Variants in ZNF385D observed in about 807,000 individuals in gnomAD.
ZNF385D encodes the protein zinc finger protein 385D.
In ZNF385D, 15 loss-of-function variants were observed where a neutral mutation model predicts 35.8. That is an observed-to-expected ratio of 0.42 (90% CI 0.28 to 0.64). The LOEUF is 0.64. Among genes scored for constraint, ZNF385D ranks in the 30% least tolerant of loss-of-function variants. The pLI, the probability that ZNF385D is intolerant of heterozygous loss-of-function variation, is 0.23. For missense variants in ZNF385D, 474 were observed against 494.6 expected (o/e 0.96, Z 0.39); for synonymous variants, 212 against 186.8 (o/e 1.13, Z -1.10).
At chr3:21,922,685 C>G (rs539556729) in intron 3 of ZNF385D, among the ~76,000 whole-genome samples, 1 of 151,922 alleles carries the variant, frequency 6.6e-6, no homozygotes, top group Non-Finnish European at 1.5e-5. Context: ...CATAAGAATC[C>G]GAGAAGAAAA....
chr3:21,788,468 G>A (rs895859886), intron 3 of ZNF385D, among the ~76,000 whole-genome samples: 1 of 152,188 alleles, frequency 6.6e-6, no homozygotes. Flanking sequence ...GATAGAGCGA[G>A]ACTCTGAATT....
intron 4 of ZNF385D, among the ~76,000 whole-genome samples, chr3:21,454,785 G>A (rs909413661): frequency 6.6e-6 from 1 of 152,182 alleles, no homozygotes. Context: ...ATTATGAAAA[G>A]AGGAAGTCAA....
chr3:21,442,112 T>G (rs1701891050), intron 4 of ZNF385D, among the ~76,000 whole-genome samples: 1 of 152,176 alleles, frequency 6.6e-6, no homozygotes, highest in South Asian at 2.1e-4. Context: ...CTGTAAATAC[T>G]TCTTTAAAAA....
At chr3:21,997,935 G>A (rs1173738750) in intron 3 of ZNF385D, among the ~76,000 whole-genome samples, 1 of 151,450 alleles carries the variant, frequency 6.6e-6, no homozygotes, top group Non-Finnish European at 1.5e-5. Flanking sequence ...GAAATTAGGG[G>A]AGAAATTGAG....
At chr3:21,480,100 A>AT (rs369558911) in intron 4 of ZNF385D, among the ~76,000 whole-genome samples, 29,555 of 133,438 alleles carry the variant, frequency 0.22, 3,472 homozygotes, top group East Asian at 0.25. Flanking sequence ...GAATGTAAGA[A>AT]TTTTTTTTTT....
chr3:21,927,110 C>G (rs1700766445), intron 3 of ZNF385D, among the ~76,000 whole-genome samples: 2 of 152,004 alleles, frequency 1.3e-5, no homozygotes, highest in African/African-American at 4.8e-5. Flanking sequence ...GTTTAAGAAT[C>G]TGACACCTCC....
In ZNF385D at chr3:21,541,506, A is replaced by G. The variant is rs376136113; in HGVS notation, c.276+23068T>C. On this transcript the variant is annotated intron_variant, in intron 3 of 7. Transcript: ENST00000281523. Reference sequence around the variant, plus strand: ...GCTCAGTAAAAATTAGACAACAACAAATAGCAACTGTTAGGAAGGGAAGGA... The same window carrying G: ...GCTCAGTAAAAATTAGACAACAACAGATAGCAACTGTTAGGAAGGGAAGGA... Among the ~76,000 whole-genome samples, 11 of 152,246 alleles carry G rather than the reference A, an allele frequency of 7.2e-5. 1 individual carries two copies. In the South Asian group the frequency reaches 2.3e-3, roughly 32 times the overall value.
chr3:21,570,806 A>G (rs1019610929), intron 2 of ZNF385D, among the ~76,000 whole-genome samples: 12 of 152,194 alleles, frequency 7.9e-5, no homozygotes, highest in African/African-American at 2.9e-4. Context: ...TGTAATATTC[A>G]TCATATTCAA....
At chr3:21,889,601 AC>A (rs1158819846) in intron 3 of ZNF385D, among the ~76,000 whole-genome samples, 2 of 152,152 alleles carry the variant, frequency 1.3e-5, no homozygotes, top group Middle Eastern at 3.2e-3. Flanking sequence ...CAGAAAAAAA[AC>A]TGGGGAGAGA....
intron 1 of ZNF385D, among the ~76,000 whole-genome samples, chr3:21,692,507 T>A (rs1231767730): frequency 6.6e-6 from 1 of 152,188 alleles, no homozygotes; most frequent in Non-Finnish European, 1.5e-5. Context: ...ATTTGGCCAT[T>A]AAAACTCACC....
intron 3 of ZNF385D, among the ~76,000 whole-genome samples, chr3:21,806,157 CTCTT>C (rs969160626): frequency 3.3e-5 from 5 of 151,540 alleles, no homozygotes; most frequent in Admixed American, 3.3e-4. Flanking sequence ...TTCTCCCCCT[CTCTT>C]TCACTTCTGC....
chr3:22,024,130 G>A (rs1697392091), intron 3 of ZNF385D, among the ~76,000 whole-genome samples: 1 of 152,122 alleles, frequency 6.6e-6, no homozygotes, highest in African/African-American at 2.4e-5. Context: ...GAAGGAGCCA[G>A]ACGGGCCTAG....
chr3:21,949,408 T>A (rs1240993491), intron 3 of ZNF385D, among the ~76,000 whole-genome samples: 1 of 152,044 alleles, frequency 6.6e-6, no homozygotes. Flanking sequence ...GGTGGCTATC[T>A]TTATTGTTGG....
chr3:22,223,836 G>A (rs889675417), intron 2 of ZNF385D, among the ~76,000 whole-genome samples: 1 of 152,100 alleles, frequency 6.6e-6, no homozygotes, highest in African/African-American at 2.4e-5. Flanking sequence ...ACATTTTCAT[G>A]TAGTTCCTAA....
chr3:22,326,961 A>T (rs2125453901), intron 2 of ZNF385D, among the ~76,000 whole-genome samples: 1 of 152,318 alleles, frequency 6.6e-6, no homozygotes, highest in East Asian at 1.9e-4. Context: ...TCCTTGGAAC[A>T]TTTGCAAGTT....
At chr3:22,237,657 A>G (rs894771624) in intron 2 of ZNF385D, among the ~76,000 whole-genome samples, 2 of 151,908 alleles carry the variant, frequency 1.3e-5, no homozygotes, top group Non-Finnish European at 1.5e-5. Context: ...ACCTTATTTT[A>G]TTTTGAGATG....
chr3:22,249,372 C>T (rs542909639), intron 2 of ZNF385D, among the ~76,000 whole-genome samples: 8 of 152,140 alleles, frequency 5.3e-5, no homozygotes, highest in African/African-American at 1.7e-4. Context: ...TTTTGTTACA[C>T]GGTTCATCAG....
intron 3 of ZNF385D, among the ~76,000 whole-genome samples, chr3:21,558,405 G>A (rs1053428328): frequency 2.6e-5 from 4 of 151,836 alleles, no homozygotes; most frequent in East Asian, 1.9e-4. Context: ...CCTTCATTTC[G>A]TTATTCACCC....
chr3:21,915,505 A>G (rs1700151871), intron 3 of ZNF385D, among the ~76,000 whole-genome samples: 1 of 152,108 alleles, frequency 6.6e-6, no homozygotes, highest in Non-Finnish European at 1.5e-5. Flanking sequence ...TTTTTCTGTT[A>G]CAAGGTAAAA....
Sources: allele counts gnomAD v4.1 joint callset (sites outside exome capture counted in the v4.1 genomes callset), GRCh38; gene constraint gnomAD v4.1.1; transcripts MANE v1.5; gene names NCBI Gene and HGNC (gene_info 2026-07-23, HGNC 2026-07-21).